GALNT2: variants seen among roughly 807,000 people sequenced by gnomAD.
The protein encoded by GALNT2 is polypeptide N-acetylgalactosaminyltransferase 2, also known as UDP-GalNAc:polypeptide N-acetylgalactosaminyltransferase 2.
A neutral mutation model predicts 81.4 loss-of-function variants in GALNT2; 31 were observed. The observed-to-expected ratio is 0.38, with a 90% CI of 0.29 to 0.51. GALNT2 has a LOEUF of 0.51. Ranked by LOEUF, GALNT2 falls within the 20% of genes least tolerant of loss-of-function variation. The pLI is 0.87. For missense variants in GALNT2, 629 were observed against 765.7 expected (o/e 0.82, Z 2.11); for synonymous variants, 303 against 287.4 (o/e 1.05, Z -0.55).
At chr1:230,114,374 C>T (rs1218933202) in intron 1 of GALNT2, among the ~76,000 whole-genome samples, 4 of 152,252 alleles carry the variant, frequency 2.6e-5, no homozygotes, top group African/African-American at 9.6e-5. Flanking sequence ...GAACAAATCT[C>T]ATCCTTTGTC....
chr1:230,274,891 A>G (rs1279963325), intron 15 of GALNT2, among the ~76,000 whole-genome samples: 1 of 152,014 alleles, frequency 6.6e-6, no homozygotes, highest in Non-Finnish European at 1.5e-5. Context: ...CATGGATGGT[A>G]CTCGATACAT....
chr1:230,275,131 C>T lies in GALNT2; in HGVS notation c.1560+567C>T, dbSNP rs1572165645. On this transcript the variant is annotated intron_variant, in intron 15 of 15. Coordinates refer to ENST00000366672, the MANE Select transcript of GALNT2 (RefSeq NM_004481.5). This position sits in a 1 kb window ranked among gnomAD's most constrained non-coding sequence, Gnocchi z 5.5. ...CCACATATATATACATATATATACA[C>T]ACCACATATACATATATACACACCA... Among the ~76,000 whole-genome samples, 1 of 150,032 alleles carries T rather than the reference C, an allele frequency of 6.7e-6. No individual in the cohort carries two copies. Among genetic ancestry groups the T allele is most frequent in the Non-Finnish European group, 1.5e-5 (1 of 67,660 alleles).
chr1:230,267,694 G>C (rs900680966), intron 14 of GALNT2, among the ~76,000 whole-genome samples: 2 of 152,244 alleles, frequency 1.3e-5, no homozygotes, highest in African/African-American at 4.8e-5. Context: ...ACCCATACAG[G>C]GGGAGGGAAG....
chr1:230,158,033 G>C (rs72760071), intron 1 of GALNT2, among the ~76,000 whole-genome samples: 1 of 152,012 alleles, frequency 6.6e-6, no homozygotes, highest in Non-Finnish European at 1.5e-5. Flanking sequence ...GAAGTGAGAA[G>C]GATCTTGTTG....
chr1:230,062,849 C>T (rs1217874340), upstream of GALNT2, among the ~76,000 whole-genome samples: 2 of 152,108 alleles, frequency 1.3e-5, no homozygotes, highest in East Asian at 3.9e-4. Context: ...TGAGTCGCTG[C>T]TTTCAATTCC....
At chr1:230,239,209 G>A (rs950438590) in intron 6 of GALNT2, among the ~76,000 whole-genome samples, 3 of 152,066 alleles carry the variant, frequency 2.0e-5, no homozygotes, top group Non-Finnish European at 4.4e-5. Context: ...TCTGTCTGCT[G>A]TTCATCGACG....
intron 14 of GALNT2, among the ~76,000 whole-genome samples, chr1:230,270,248 G>A (rs150330567): frequency 1.2e-4 from 18 of 152,208 alleles, no homozygotes; most frequent in Non-Finnish European, 2.2e-4. Context: ...AGGAGCAAGC[G>A]TTTTCTAGTG....
intron 1 of GALNT2, among the ~76,000 whole-genome samples, chr1:230,175,948 C>T (rs1023315287): frequency 3.3e-5 from 5 of 152,104 alleles, no homozygotes; most frequent in Admixed American, 2.6e-4. Context: ...GGACAAATTG[C>T]TTAGCCTATC....
chr1:230,252,924 G>A (rs571345315), intron 10 of GALNT2, among the ~76,000 whole-genome samples: 24 of 127,822 alleles, frequency 1.9e-4, no homozygotes, highest in Middle Eastern at 5.7e-3. Flanking sequence ...TTGGCTCACC[G>A]CAACGTTCGC....
At chr1:230,268,717 C>T (rs1376058107) in intron 14 of GALNT2, among the ~76,000 whole-genome samples, 2 of 152,184 alleles carry the variant, frequency 1.3e-5, no homozygotes, top group African/African-American at 4.8e-5. Context: ...CTACGGGAAC[C>T]AAAGACTTTG....
intron 1 of GALNT2, among the ~76,000 whole-genome samples, chr1:230,122,126 GT>G (rs1661036219): frequency 6.6e-6 from 1 of 151,880 alleles, no homozygotes; most frequent in South Asian, 2.1e-4. Context: ...TGAACAGGTT[GT>G]TTGCCAGGAA....
At chr1:230,232,924 T>TA (rs2102733067) in intron 3 of GALNT2, among the ~76,000 whole-genome samples, 1 of 152,310 alleles carries the variant, frequency 6.6e-6, no homozygotes, top group East Asian at 1.9e-4. Context: ...CAAAAACTAG[T>TA]ATATTATGCA....
intron 1 of GALNT2, among the ~76,000 whole-genome samples, chr1:230,141,816 A>T (rs1483538880): frequency 2.9e-5 from 3 of 104,980 alleles, no homozygotes; most frequent in African/African-American, 6.9e-5. Context: ...TTTTTGAGAC[A>T]GGGTCTCGCT....
chr1:230,201,306 A>C (rs1323218560), intron 2 of GALNT2, among the ~76,000 whole-genome samples: 1 of 152,056 alleles, frequency 6.6e-6, no homozygotes, highest in Non-Finnish European at 1.5e-5. Flanking sequence ...TCGATTTGAG[A>C]GGCCAGACTT....
intron 1 of GALNT2, among the ~76,000 whole-genome samples, chr1:230,145,256 G>A (rs1202775408): frequency 6.6e-6 from 1 of 152,084 alleles, no homozygotes; most frequent in South Asian, 2.1e-4. Context: ...CAGACTGGCC[G>A]AATCTGAATT....
intron 1 of GALNT2, among the ~76,000 whole-genome samples, chr1:230,113,586 T>A (rs908804169): frequency 4.6e-5 from 7 of 152,054 alleles, no homozygotes; most frequent in Non-Finnish European, 7.4e-5. Context: ...CCATGCAAAG[T>A]GCTCAAGAAG....
intron 6 of GALNT2, among the ~76,000 whole-genome samples, chr1:230,240,156 C>T (rs1174792935): frequency 2.0e-5 from 3 of 152,088 alleles, no homozygotes; most frequent in Non-Finnish European, 4.4e-5. Context: ...TTATTTAGCC[C>T]GAATAATTTT....
At chr1:230,194,922 G>A (rs560534895) in intron 2 of GALNT2, among the ~76,000 whole-genome samples, 12 of 152,338 alleles carry the variant, frequency 7.9e-5, no homozygotes, top group African/African-American at 2.9e-4. Flanking sequence ...TGGACACGAG[G>A]GGAGGAGAGA....
intron 10 of GALNT2, among the ~76,000 whole-genome samples, chr1:230,252,448 G>A (rs2102750304): frequency 6.6e-6 from 1 of 152,286 alleles, no homozygotes; most frequent in East Asian, 1.9e-4. Flanking sequence ...GGCATCATCT[G>A]TGTTTCTCTA....
Sources: gnomAD v4.1 joint callset for allele counts (sites outside exome capture counted in the v4.1 genomes callset) on GRCh38, gnomAD v4.1.1 for gene constraint, Gnocchi (gnomAD v3.1) non-coding constraint, MANE v1.5 for transcripts, NCBI Gene and HGNC (gene_info 2026-07-23, HGNC 2026-07-21) for gene names.